The following ZFYVE9 variants were observed in gnomAD, a reference collection of about 807,000 sequenced individuals.
ZFYVE9 encodes zinc finger FYVE-type containing 9.
In ZFYVE9, 43 loss-of-function variants were observed where a neutral mutation model predicts 126.7. The ratio of observed to expected loss-of-function variants is 0.34; its 90% CI spans 0.27 to 0.44. The LOEUF is 0.44. Ranked by LOEUF, ZFYVE9 falls within the 20% of genes least tolerant of loss-of-function variation. ZFYVE9 has a pLI of 1.00. For synonymous variants in ZFYVE9, 521 were observed against 597.4 expected (o/e 0.87, Z 1.87); for missense variants, 1,476 against 1,697.0 (o/e 0.87, Z 2.29).
At chr1:52,292,469 CT>C (rs1159852399) in intron 10 of ZFYVE9, among the ~76,000 whole-genome samples, 3,595 of 101,954 alleles carry the variant, frequency 0.035, 94 homozygotes, top group African/African-American at 0.13. Flanking sequence ...CTGAACATTT[CT>C]TTTTTTTTTT....
chr1:52,191,501 A>G (rs751493596), intron 1 of ZFYVE9, among the ~76,000 whole-genome samples: 26 of 152,204 alleles, frequency 1.7e-4, no homozygotes, highest in Non-Finnish European at 3.2e-4. Flanking sequence ...TCTTTGAGCC[A>G]TATTTCATAT....
At chr1:52,301,060 A>G (rs970909707) in intron 12 of ZFYVE9, among the ~76,000 whole-genome samples, 3 of 151,498 alleles carry the variant, frequency 2.0e-5, no homozygotes, top group Non-Finnish European at 2.9e-5. Flanking sequence ...GGGTTTCACT[A>G]TGTTGCTCAG....
At chr1:52,169,497 CTTG>C (rs1644544563) in intron 1 of ZFYVE9, among the ~76,000 whole-genome samples, 2 of 152,112 alleles carry the variant, frequency 1.3e-5, no homozygotes, top group Admixed American at 1.3e-4. Flanking sequence ...ACATGTTTAT[CTTG>C]TTGATCATTC....
At chr1:52,311,520 C>T (rs1364829481) in intron 13 of ZFYVE9, among the ~76,000 whole-genome samples, 1 of 152,078 alleles carries the variant, frequency 6.6e-6, no homozygotes. Context: ...CCGCCTCAGC[C>T]TCCCAAAGTG....
chr1:52,319,497 A>T (rs181955956), intron 13 of ZFYVE9, among the ~76,000 whole-genome samples: 141 of 151,482 alleles, frequency 9.3e-4, no homozygotes, highest in African/African-American at 3.3e-3. Context: ...GGTGGCGCAT[A>T]CCTATAATCC....
In ZFYVE9 at chr1:52,239,424, A is replaced by G. The variant is rs1419910859; in HGVS notation, c.2007A>G (p.Pro669=). 1.9e-6 allele frequency: 3 copies of G among 1,614,188 alleles called. No homozygotes were observed. The highest frequency in any genetic ancestry group is 2.2e-5 in the South Asian group (2 of 91,088). The part of the protein sequence containing the change: ...RPCLALAPDS[P]DNDLRAGQFG... Reference sequence around the variant, plus strand: ...GCCTTGCATTAGCTCCAGATAGCCCAGATAATGATCTCAGAGCTGGTCAGT... The same window carrying G: ...GCCTTGCATTAGCTCCAGATAGCCCGGATAATGATCTCAGAGCTGGTCAGT... The change falls in exon 4 of 19, where the codon CCA becomes CCG. Residue 669 remains proline (P), a synonymous_variant. Transcript: ENST00000287727.
chr1:52,246,700 T>C, intron 4 of ZFYVE9, among the ~76,000 whole-genome samples: 1 of 126,280 alleles, frequency 7.9e-6, no homozygotes, highest in East Asian at 2.6e-4. Flanking sequence ...TGTAACTAAT[T>C]TTTTTTTTTT....
chr1:52,306,103 T>TG (rs1331664745), intron 13 of ZFYVE9, among the ~76,000 whole-genome samples: 2 of 152,096 alleles, frequency 1.3e-5, no homozygotes, highest in Non-Finnish European at 2.9e-5. Flanking sequence ...GCCTGAAGGC[T>TG]GGGGGGCCAG....
chr1:52,192,148 G>A (rs183307227), intron 1 of ZFYVE9, among the ~76,000 whole-genome samples: 84 of 152,268 alleles, frequency 5.5e-4, no homozygotes, highest in African/African-American at 1.9e-3. Flanking sequence ...AATCTTAGAG[G>A]AGGGGATTGC....
chr1:52,263,567 T>C (rs995403926), intron 4 of ZFYVE9, among the ~76,000 whole-genome samples: 3 of 152,194 alleles, frequency 2.0e-5, no homozygotes, highest in African/African-American at 7.2e-5. Flanking sequence ...TCAGCCAATG[T>C]TTCCCATTTC....
chr1:52,223,519 A>G (rs1428351805), intron 2 of ZFYVE9, among the ~76,000 whole-genome samples: 1 of 151,796 alleles, frequency 6.6e-6, no homozygotes, highest in East Asian at 1.9e-4. Context: ...CCAATTTTCT[A>G]TCTTTTGTAT....
At chr1:52,164,483 G>GCC (rs1260499168) in intron 1 of ZFYVE9, among the ~76,000 whole-genome samples, 9 of 152,044 alleles carry the variant, frequency 5.9e-5, no homozygotes, top group African/African-American at 1.9e-4. Flanking sequence ...CAAAGTGTTG[G>GCC]GATTACAGGC....
chr1:52,289,281 C>T (rs1346860252), intron 10 of ZFYVE9, among the ~76,000 whole-genome samples: 1 of 152,128 alleles, frequency 6.6e-6, no homozygotes, highest in Non-Finnish European at 1.5e-5. Flanking sequence ...CTCGTCTTTT[C>T]AGAGTTACTT....
At chr1:52,173,444 G>A (rs1315541572) in intron 1 of ZFYVE9, among the ~76,000 whole-genome samples, 1 of 152,204 alleles carries the variant, frequency 6.6e-6, no homozygotes, top group Non-Finnish European at 1.5e-5. Context: ...GTTCATCAAG[G>A]ATATTGGTCT....
chr1:52,292,098 G>A (rs1241286829), intron 10 of ZFYVE9, among the ~76,000 whole-genome samples: 1 of 151,772 alleles, frequency 6.6e-6, no homozygotes, highest in Non-Finnish European at 1.5e-5. Flanking sequence ...GGCCAACATG[G>A]TGAAACTCTG....
chr1:52,237,566 A>C lies in ZFYVE9; in HGVS notation c.149A>C (p.Asn50Thr), dbSNP rs1557472808. Residue 50 changes from asparagine to threonine, a missense_variant, in exon 4 of 19, where the codon AAC becomes ACC. Physicochemically the swap from Asn to Thr is moderately conservative, Grantham distance 65. This residue lies in a region of ZFYVE9 where 807 missense variants were observed against 794.6 expected (regional missense o/e 1.02). Transcript: ENST00000287727. ...CCCCCTTCTCACCGGCTGTCATTTA[A>C]CCCTACTTTGGCCAGTGTGAATGAA... The part of the protein sequence containing the change: ...LDPPSHRLSF[N>T]PTLASVNESA... 6.2e-7 allele frequency: 1 copy of C among 1,613,974 alleles called. No homozygotes were observed. The highest frequency in any genetic ancestry group is 2.2e-5 in the East Asian group (1 of 44,876).
At chr1:52,192,531 G>A (rs1644825263) in intron 1 of ZFYVE9, among the ~76,000 whole-genome samples, 2 of 152,204 alleles carry the variant, frequency 1.3e-5, no homozygotes, top group African/African-American at 4.8e-5. Flanking sequence ...AAAGTAGAGA[G>A]CAGGACTTGA....
chr1:52,276,658 C>T (rs1219914561), intron 8 of ZFYVE9, among the ~76,000 whole-genome samples: 1 of 152,198 alleles, frequency 6.6e-6, no homozygotes, highest in Non-Finnish European at 1.5e-5. Flanking sequence ...CCCCTCTCTA[C>T]TGTAGACTTC....
At chr1:52,244,758 G>A (rs559819785) in intron 4 of ZFYVE9, among the ~76,000 whole-genome samples, 2 of 152,110 alleles carry the variant, frequency 1.3e-5, no homozygotes, top group Non-Finnish European at 2.9e-5. Context: ...TTATCTTTGC[G>A]ATACAAGCAT....
Sources: allele counts gnomAD v4.1 joint callset (sites outside exome capture counted in the v4.1 genomes callset), GRCh38; gene constraint gnomAD v4.1.1; regional missense constraint gnomAD v4.1.1; transcripts MANE v1.5; gene names NCBI Gene and HGNC (gene_info 2026-07-23, HGNC 2026-07-21).